Variants in PC observed in about 807,000 individuals in gnomAD.
PC encodes the protein pyruvate carboxylase, mitochondrial.
PC carries 46 observed loss-of-function variants against 107.8 expected under a neutral mutation model. The observed-to-expected ratio is 0.43, with a 90% CI of 0.34 to 0.55. The LOEUF is 0.55. Ranked by LOEUF, PC falls within the 20% of genes least tolerant of loss-of-function variation. The pLI is 0.04. For missense variants in PC, 1,241 were observed against 1,643.1 expected (o/e 0.76, Z 4.23); for synonymous variants, 662 against 684.7 (o/e 0.97, Z 0.52).
chr11:66,904,329 C>G (rs953036411), intron 3 of PC, among the ~76,000 whole-genome samples: 3 of 152,056 alleles, frequency 2.0e-5, no homozygotes, highest in Non-Finnish European at 4.4e-5. Context: ...CAGCCAGGGT[C>G]CCTGCCCTCA....
Position 66,849,606 on chromosome 11 carries a change from C to T in PC, c.3147+5G>A. 5 of 1,614,172 alleles carry T rather than the reference C, an allele frequency of 3.1e-6. No homozygotes were observed. Among genetic ancestry groups the T allele is most frequent in the Non-Finnish European group, 4.2e-6 (5 of 1,180,034 alleles). Reference sequence around the variant, plus strand: ...GGAGTGTGGAGAAGCGCCAGAGCCACTGACCTCAAACTCCTCTGCGATCTT... The same window carrying T: ...GGAGTGTGGAGAAGCGCCAGAGCCATTGACCTCAAACTCCTCTGCGATCTT... On this transcript the variant is annotated splice_donor_5th_base_variant and intron_variant, in intron 21 of 22. Coordinates refer to ENST00000393960, the MANE Select transcript of PC (RefSeq NM_001040716.2).
intron 3 of PC, among the ~76,000 whole-genome samples, chr11:66,910,802 T>G (rs1027030192): frequency 2.0e-5 from 3 of 152,166 alleles, no homozygotes; most frequent in African/African-American, 7.2e-5. Context: ...CCAACGCTAG[T>G]GCTGACAGTC....
rs571791543 is a variant in PC, at chr11:66,866,446, C to T, written c.1023-97G>A. 93 of 892,094 alleles carry T rather than the reference C, an allele frequency of 1.0e-4. No homozygotes were observed. The African/African-American group carries it at 1.4e-3, about 14-fold the overall frequency. 55.3% of individuals were successfully genotyped at this position (892,094 alleles called of 1,614,324 possible). ...GGCACCGCAGCCAGTGGGGCGTCCACACACAGTGCGACTCCTGCCCATAGG... is the reference window on the plus strand; with the variant it reads ...GGCACCGCAGCCAGTGGGGCGTCCATACACAGTGCGACTCCTGCCCATAGG... On this transcript the variant is annotated intron_variant, in intron 10 of 22. Transcript: ENST00000393960. This position sits in a 1 kb window ranked among gnomAD's most constrained non-coding sequence, Gnocchi z 5.4.
At chr11:66,942,406 A>AC (rs1949163730) in intron 3 of PC, among the ~76,000 whole-genome samples, 1 of 152,078 alleles carries the variant, frequency 6.6e-6, no homozygotes, top group Non-Finnish European at 1.5e-5. Flanking sequence ...TCTCAAAAAA[A>AC]AAAAAAAAGA....
chr11:66,911,543 C>G (rs1331047734), intron 3 of PC, among the ~76,000 whole-genome samples: 2 of 152,076 alleles, frequency 1.3e-5, no homozygotes, highest in Non-Finnish European at 2.9e-5. Flanking sequence ...TGTAAATAGC[C>G]ACTGCACTAC....
At chr11:66,885,113 C>T (rs1476219829) in intron 3 of PC, among the ~76,000 whole-genome samples, 1 of 152,230 alleles carries the variant, frequency 6.6e-6, no homozygotes. Context: ...AAGCGGGTGT[C>T]ACCCGGTGTT....
intron 3 of PC, among the ~76,000 whole-genome samples, chr11:66,924,886 A>G (rs1948677126): frequency 6.6e-6 from 1 of 152,168 alleles, no homozygotes. Context: ...TATTTTCCCT[A>G]AGTGTCAGCC....
chr11:66,850,588 G>A (rs891196897), intron 18 of PC, 86 bp downstream of exon 18: 1 of 1,601,870 alleles, frequency 6.2e-7, no homozygotes, highest in Non-Finnish European at 8.5e-7. Context: ...CAGGGCATCT[G>A]GATCCTAGGC....
intron 12 of PC, among the ~76,000 whole-genome samples, chr11:66,853,620 C>T (rs1432934412): frequency 1.3e-5 from 2 of 152,202 alleles, no homozygotes; most frequent in Non-Finnish European, 2.9e-5. Flanking sequence ...AAAGCATGTG[C>T]TGAAGGCCAC....
chr11:66,850,497 G>A (rs565635371), intron 18 of PC, 33 bp from the exon 19 acceptor site: 1 of 1,613,476 alleles, frequency 6.2e-7, no homozygotes, highest in African/African-American at 1.3e-5. Flanking sequence ...GGAGGCCTTA[G>A]AAATGTGTGA....
At chr11:66,914,622 A>T (rs796489568) in intron 3 of PC, among the ~76,000 whole-genome samples, 22 of 152,336 alleles carry the variant, frequency 1.4e-4, no homozygotes, top group African/African-American at 5.3e-4. Context: ...AAACACAGAT[A>T]ATCTACAAAC....
intron 3 of PC, among the ~76,000 whole-genome samples, chr11:66,887,664 G>A (rs1002955598): frequency 7.9e-5 from 12 of 152,242 alleles, no homozygotes; most frequent in African/African-American, 2.7e-4. Context: ...CGGAAGGGGA[G>A]ACGAGAGAGC....
rs139452425 is a variant in PC at position 66,893,238 on chromosome 11, T to G, written c.1-21079A>C. Among the ~76,000 whole-genome samples the G allele has an allele frequency of 3.7e-3, 568 of 152,282 alleles. 3 individuals are homozygous for G. Among genetic ancestry groups the G allele is most frequent in the Middle Eastern group, 6.8e-3 (2 of 294 alleles). On this transcript the variant is annotated intron_variant, in intron 3 of 22. Transcript: ENST00000393960. ...CCTGACACGGGCCACAGTGGGCATA[T>G]TTATGCCACAGAAATTGGCAAACAC...
chr11:66,860,573 C>T (rs577821978), intron 12 of PC: 30 of 701,346 alleles, frequency 4.3e-5, no homozygotes, highest in Non-Finnish European at 6.2e-5. Context: ...CTACCAGGGC[C>T]GGTGGGGGCA....
chr11:66,850,612 C>T, intron 18 of PC, 62 bp downstream of exon 18: 1 of 1,602,006 alleles, frequency 6.2e-7, no homozygotes. Flanking sequence ...TCCAACACTA[C>T]TGGGACTGGT....
intron 3 of PC, among the ~76,000 whole-genome samples, chr11:66,939,926 A>C (rs927379343): frequency 6.6e-6 from 1 of 152,106 alleles, no homozygotes; most frequent in South Asian, 2.1e-4. Context: ...TGACCTAAAC[A>C]TAAGACCTAA....
chr11:66,878,570 A>G (rs920644099), intron 3 of PC, among the ~76,000 whole-genome samples: 1 of 151,918 alleles, frequency 6.6e-6, no homozygotes, highest in African/African-American at 2.4e-5. Flanking sequence ...ACATTCTTGC[A>G]TTGGATCCTC....
Position 66,870,034 on chromosome 11 carries a change from G to A in PC, c.903+268C>T, listed in dbSNP as rs1946658558. ...GAAGCCAGGTCTGTGTAGCAGCAGG[G>A]CTGAGGAGGCGGCTGGGGCTCCTTC... On this transcript the variant is annotated intron_variant, in intron 9 of 22. Transcript: ENST00000393960. This position sits in a 1 kb window ranked among gnomAD's most constrained non-coding sequence, Gnocchi z 6.1. Among the ~76,000 whole-genome samples, 2 of 152,206 alleles carry A rather than the reference G, an allele frequency of 1.3e-5. No homozygotes were observed. The highest frequency in any genetic ancestry group is 2.9e-5 in the Non-Finnish European group (2 of 68,034).
At chr11:66,937,325 C>T (rs966503836) in intron 3 of PC, among the ~76,000 whole-genome samples, 1 of 152,204 alleles carries the variant, frequency 6.6e-6, no homozygotes, top group Non-Finnish European at 1.5e-5. Context: ...CCCATGATTT[C>T]TGAGGAGAAA....
Sources: gnomAD v4.1 joint callset for allele counts (sites outside exome capture counted in the v4.1 genomes callset) on GRCh38, gnomAD v4.1.1 for gene constraint, Gnocchi (gnomAD v3.1) non-coding constraint, MANE v1.5 for transcripts, NCBI Gene and HGNC (gene_info 2026-07-23, HGNC 2026-07-21) for gene names.